Variants in CMTM7 observed in about 807,000 individuals in gnomAD.
CMTM7 encodes CKLF like MARVEL transmembrane domain containing 7, also known as CKLF-like MARVEL transmembrane domain-containing protein 7.
CMTM7 carries 7 observed loss-of-function variants against 19.3 expected under a neutral mutation model. That is an observed-to-expected ratio of 0.36 (90% CI 0.21 to 0.68). The LOEUF is 0.68. Among genes scored for constraint, CMTM7 ranks in the 30% least tolerant of loss-of-function variants. CMTM7 has a pLI of 0.60. For missense variants in CMTM7, 193 were observed against 232.6 expected (o/e 0.83, Z 1.11); for synonymous variants, 87 against 99.3 (o/e 0.88, Z 0.74).
chr3:32,392,119 A>C, intron 1 of CMTM7, 54 bp downstream of exon 1: 2 of 1,207,186 alleles, frequency 1.7e-6, no homozygotes, highest in Non-Finnish European at 2.1e-6. Context: ...CCGGGAAAGC[A>C]GGGGTCCGGG....
At chr3:32,396,596 ATAAG>A (rs1185626239) in intron 1 of CMTM7, among the ~76,000 whole-genome samples, 4 of 152,220 alleles carry the variant, frequency 2.6e-5, no homozygotes, top group African/African-American at 9.6e-5. Context: ...TATACTTTAA[ATAAG>A]TAACTGGTTG....
intron 1 of CMTM7, among the ~76,000 whole-genome samples, chr3:32,439,346 C>T (rs1696643622): frequency 6.6e-6 from 1 of 152,172 alleles, no homozygotes; most frequent in Non-Finnish European, 1.5e-5. Context: ...GCTGTTGTAC[C>T]TATTGCTGAG....
chr3:32,441,768 GT>G, intron 1 of CMTM7, 71 bp from the exon 2 acceptor site: 1 of 1,376,470 alleles, frequency 7.3e-7, no homozygotes, highest in Non-Finnish European at 1.0e-6. Flanking sequence ...ATGCTTGGTT[GT>G]TTTCCGTTGT....
chr3:32,450,460 G>A (rs1431984091), intron 3 of CMTM7, among the ~76,000 whole-genome samples: 1 of 152,176 alleles, frequency 6.6e-6, no homozygotes, highest in Non-Finnish European at 1.5e-5. Context: ...TTTCACTTAC[G>A]TATATTACCA....
At position 32,392,439 on chromosome 3, in the gene CMTM7, G is replaced by A. The variant is rs117818263; in HGVS notation, c.159+374G>A. On this transcript the variant is annotated intron_variant, in intron 1 of 4. Coordinates refer to ENST00000334983, the MANE Select transcript of CMTM7 (RefSeq NM_138410.4). ...GCGCCGCTTCGAACCCGAGCCGGGG[G>A]TGGAAGAGTCGCCCAGGCGGCGGCG... is the stretch of plus-strand genomic sequence containing the variant. 5.3e-3 allele frequency among the ~76,000 whole-genome samples: 813 copies of A among 152,372 alleles called. 6 individuals are homozygous for A. Among genetic ancestry groups the A allele is most frequent in the Middle Eastern group, 0.01 (3 of 294 alleles).
chr3:32,419,079 T>C (rs1696307251), intron 1 of CMTM7, among the ~76,000 whole-genome samples: 1 of 152,236 alleles, frequency 6.6e-6, no homozygotes, highest in Non-Finnish European at 1.5e-5. Flanking sequence ...ACCAGTGTTC[T>C]ATCATTTTCA....
chr3:32,408,764 A>C (rs1241863769), intron 1 of CMTM7, among the ~76,000 whole-genome samples: 23 of 152,304 alleles, frequency 1.5e-4, no homozygotes, highest in Admixed American at 1.1e-3. Context: ...CAGCCCAAAA[A>C]CATATGTATT....
intron 1 of CMTM7, among the ~76,000 whole-genome samples, chr3:32,395,193 C>T (rs1034136805): frequency 5.9e-5 from 9 of 152,044 alleles, no homozygotes; most frequent in African/African-American, 9.7e-5. Flanking sequence ...TTGATACAGA[C>T]GGGGTTTTGC....
intron 1 of CMTM7, among the ~76,000 whole-genome samples, chr3:32,413,379 TA>T (rs1207405091): frequency 6.6e-6 from 1 of 152,226 alleles, no homozygotes; most frequent in East Asian, 1.9e-4. Flanking sequence ...ATTATGACCT[TA>T]AAGACAGTGA....
At chr3:32,431,983 G>A (rs1303823841) in intron 1 of CMTM7, among the ~76,000 whole-genome samples, 1 of 152,106 alleles carries the variant, frequency 6.6e-6, no homozygotes, top group Non-Finnish European at 1.5e-5. Context: ...CCTACCCTGG[G>A]GGTGGGTACA....
chr3:32,402,369 C>A (rs1283413349), intron 1 of CMTM7, among the ~76,000 whole-genome samples: 2 of 152,156 alleles, frequency 1.3e-5, no homozygotes, highest in Non-Finnish European at 2.9e-5. Flanking sequence ...GCCTTGGCCT[C>A]CCAAAGTGCT....
chr3:32,431,940 C>G (rs149851126), intron 1 of CMTM7, among the ~76,000 whole-genome samples: 2 of 152,308 alleles, frequency 1.3e-5, no homozygotes, highest in South Asian at 4.2e-4. Context: ...AAGACCAGCC[C>G]GGTCAACATT....
chr3:32,409,940 C>T (rs548884308), intron 1 of CMTM7, among the ~76,000 whole-genome samples: 1 of 152,314 alleles, frequency 6.6e-6, no homozygotes, highest in South Asian at 2.1e-4. Flanking sequence ...GGCTAACTAG[C>T]AAGTCTTATT....
At chr3:32,422,349 G>T (rs538945475) in intron 1 of CMTM7, among the ~76,000 whole-genome samples, 1 of 152,210 alleles carries the variant, frequency 6.6e-6, no homozygotes, top group Admixed American at 6.5e-5. Context: ...CTTCTGGCAC[G>T]GGCCCAGGGC....
chr3:32,436,747 C>T (rs1231512032), intron 1 of CMTM7, among the ~76,000 whole-genome samples: 1 of 152,126 alleles, frequency 6.6e-6, no homozygotes, highest in Non-Finnish European at 1.5e-5. Flanking sequence ...CACAGGCACA[C>T]TCAGTGGACC....
chr3:32,437,032 C>T (rs1474833697), intron 1 of CMTM7, among the ~76,000 whole-genome samples: 1 of 152,192 alleles, frequency 6.6e-6, no homozygotes, highest in Non-Finnish European at 1.5e-5. Flanking sequence ...TGCAACCAGA[C>T]TAGTTTGGTT....
At position 32,420,491 on chromosome 3, in the gene CMTM7, G is replaced by A. The variant is rs117670099; in HGVS notation, c.160-21349G>A. Among the ~76,000 whole-genome samples the A allele has an allele frequency of 5.9e-5, 9 of 152,332 alleles. No homozygotes were observed. In the East Asian group the frequency reaches 1.7e-3, roughly 29 times the overall value. On this transcript the variant is annotated intron_variant, in intron 1 of 4. Coordinates refer to ENST00000334983, the MANE Select transcript of CMTM7 (RefSeq NM_138410.4). The stretch of plus-strand genomic sequence containing the variant: ...CTTGGCACTCAGATGACTCAAAAGT[G>A]AGAAAGCAAAGGAGAATGCAGGCAG...
At chr3:32,433,587 T>C (rs1696551079) in intron 1 of CMTM7, among the ~76,000 whole-genome samples, 1 of 152,174 alleles carries the variant, frequency 6.6e-6, no homozygotes, top group Non-Finnish European at 1.5e-5. Flanking sequence ...TCACCTCTTC[T>C]CCTGGTCACA....
At chr3:32,417,823 T>TA (rs1252466842) in intron 1 of CMTM7, among the ~76,000 whole-genome samples, 5 of 152,044 alleles carry the variant, frequency 3.3e-5, no homozygotes, top group Admixed American at 2.0e-4. Flanking sequence ...GGTTTTTTTT[T>TA]TGTTTGTTTA....
Sources: allele counts gnomAD v4.1 joint callset (sites outside exome capture counted in the v4.1 genomes callset), GRCh38; gene constraint gnomAD v4.1.1; transcripts MANE v1.5; gene names NCBI Gene and HGNC (gene_info 2026-07-23, HGNC 2026-07-21).